The following MAU2 variants were observed in gnomAD, a reference collection of about 807,000 sequenced individuals.
MAU2 encodes the protein MAU2 chromatid cohesion factor homolog.
A neutral mutation model predicts 89.1 loss-of-function variants in MAU2; 9 were observed. The ratio of observed to expected loss-of-function variants is 0.10; its 90% confidence interval spans 0.06 to 0.18. The LOEUF (loss-of-function observed/expected upper bound fraction) is 0.18. MAU2 is among the 10% of genes least tolerant of loss of function. The pLI is 1.00. For synonymous variants in MAU2, 357 were observed against 343.4 expected (o/e 1.04, Z -0.44); for missense variants, 425 against 803.5 (o/e 0.53, Z 5.69).
intron 12 of MAU2, among the ~76,000 whole-genome samples, chr19:19,346,265 G>C (rs148008876): frequency 1.8e-4 from 27 of 152,210 alleles, no homozygotes; most frequent in Non-Finnish European, 3.5e-4. Context: ...GGCTCACTCT[G>C]ACTGCAGCAG....
rs1220798837 is a variant in MAU2, at chr19:19,340,847, G to T, written c.553G>T (p.Ala185Ser). The T allele has an allele frequency of 6.2e-7, 1 of 1,613,354 alleles. No individual in the cohort carries two copies. Among genetic ancestry groups the T allele is most frequent in the African/African-American group, 1.3e-5 (1 of 74,860 alleles). ...TGACCCCTGCCTCTTGTTTTGCAGG[G>T]CGCTGTTCCTCCTCAGCAAGGGGAT... ...ARVVGSEYTRALFLLSKGMLL... is the reference protein window; with the variant it reads ...ARVVGSEYTRSLFLLSKGMLL... The change falls in exon 6 of 19, where the codon GCG (alanine) becomes TCG (serine). Residue 185 changes from alanine (A) to serine (S), a missense_variant and splice_region_variant. Coordinates refer to ENST00000262815, the MANE Select transcript of MAU2 (RefSeq NM_015329.4).
intron 1 of MAU2, chr19:19,334,232 C>G (rs1415227144): frequency 1.5e-5 from 15 of 985,374 alleles, no homozygotes; most frequent in Non-Finnish European, 1.8e-5. Context: ...GTGCTGGCCC[C>G]GCCACTCTGA....
At chr19:19,330,565 A>AC (rs1317918312) in intron 1 of MAU2, among the ~76,000 whole-genome samples, 3 of 151,928 alleles carry the variant, frequency 2.0e-5, no homozygotes, top group Non-Finnish European at 4.4e-5. Flanking sequence ...ACATAGAGAA[A>AC]CCCCGTCTCT....
chr19:19,337,353 C>T (rs2061605727), intron 4 of MAU2, 88 bp downstream of exon 4: 2 of 1,031,320 alleles, frequency 1.9e-6, no homozygotes, highest in Non-Finnish European at 1.5e-6. Context: ...ACAGCAGAGT[C>T]CACGATGCGC....
intron 1 of MAU2, among the ~76,000 whole-genome samples, chr19:19,335,262 C>T (rs1599901418): frequency 6.6e-6 from 1 of 152,186 alleles, no homozygotes; most frequent in Admixed American, 6.5e-5. Context: ...ACTAACCTTG[C>T]CCCCCAAGAC....
intron 13 of MAU2, 176 bp downstream of exon 13, chr19:19,347,542 G>C: frequency 1.7e-6 from 1 of 578,800 alleles, no homozygotes. Context: ...ATCGGGCTAT[G>C]GCCGGGGGAG....
chr19:19,351,655 G>A (rs1420289376), intron 16 of MAU2, among the ~76,000 whole-genome samples: 1 of 151,682 alleles, frequency 6.6e-6, no homozygotes, highest in Non-Finnish European at 1.5e-5. Flanking sequence ...ACTCCAGCCT[G>A]GACAACACAG....
rs577451969 is a variant in MAU2 at position 19,355,400 on chromosome 19, G to A, written c.1767+9G>A. 3 of 1,613,718 alleles carry A rather than the reference G, an allele frequency of 1.9e-6. No individual in the cohort carries two copies. Among genetic ancestry groups the A allele is most frequent in the East Asian group, 2.2e-5 (1 of 44,888 alleles). ...AACACAACCTCATCACGGTACGGGTGTGGGTGTTAGGGGACGGGATCAGGA... is the reference window on the plus strand; with the variant it reads ...AACACAACCTCATCACGGTACGGGTATGGGTGTTAGGGGACGGGATCAGGA... On this transcript the variant is annotated intron_variant, in intron 18 of 18. Coordinates refer to ENST00000262815, the MANE Select transcript of MAU2 (RefSeq NM_015329.4).
intron 1 of MAU2, among the ~76,000 whole-genome samples, chr19:19,331,493 C>G (rs1433028494): frequency 1.7e-5 from 2 of 118,432 alleles, no homozygotes; most frequent in Non-Finnish European, 3.9e-5. Context: ...CAGAGTGCAA[C>G]TCCGTCTCAA....
Position 19,341,297 on chromosome 19 carries a change from A to G in MAU2, c.625A>G (p.Thr209Ala). 6.2e-7 allele frequency: 1 copy of G among 1,612,968 alleles called. No individual in the cohort carries two copies. Among genetic ancestry groups the G allele is most frequent in the Non-Finnish European group, 8.5e-7 (1 of 1,179,972 alleles). Residue 209 changes from threonine to alanine, a missense_variant, in exon 7 of 19, where the codon ACC becomes GCC. By Grantham distance (58) the Thr-to-Ala change is moderately conservative (BLOSUM62 0). Coordinates refer to ENST00000262815, the MANE Select transcript of MAU2 (RefSeq NM_015329.4). ...RKLQEVHPLLTLCGQIVENWQ... is the reference protein window; with the variant it reads ...RKLQEVHPLLALCGQIVENWQ... ...GCTGCAGGAGGTGCACCCGCTGCTG[A>G]CCCTCTGCGGGCAGATCGTGGAGAA...
intron 9 of MAU2, 56 bp from the exon 10 acceptor site, chr19:19,343,781 G>A (rs921877537): frequency 3.0e-5 from 41 of 1,344,958 alleles, no homozygotes; most frequent in Non-Finnish European, 4.3e-6. Flanking sequence ...CGGTGGGCTG[G>A]GGGTGGCGCC....
At chr19:19,329,066 C>T in intron 1 of MAU2, 1 of 456,050 alleles carries the variant, frequency 2.2e-6, no homozygotes, top group Non-Finnish European at 4.4e-6. Flanking sequence ...GCCTGAGCAT[C>T]TATGGTTCAC....
intron 16 of MAU2, among the ~76,000 whole-genome samples, chr19:19,349,939 C>T (rs1485797425): frequency 1.3e-5 from 2 of 151,458 alleles, no homozygotes; most frequent in Non-Finnish European, 2.9e-5. Flanking sequence ...GTCAATTCCT[C>T]GCCTACTCTC....
At chr19:19,346,177 A>T (rs1255607369) in intron 12 of MAU2, among the ~76,000 whole-genome samples, 1 of 152,086 alleles carries the variant, frequency 6.6e-6, no homozygotes, top group Admixed American at 6.5e-5. Context: ...GAGCCCTGAC[A>T]TGCAGACAGC....
At chr19:19,323,884 A>T (rs907982167) in intron 1 of MAU2, among the ~76,000 whole-genome samples, 13 of 152,186 alleles carry the variant, frequency 8.5e-5, no homozygotes, top group African/African-American at 3.1e-4. Flanking sequence ...GCTGCACAAC[A>T]AGTTATTGAC....
intron 2 of MAU2, 29 bp from the exon 3 acceptor site, chr19:19,336,093 T>A (rs768615859): frequency 3.8e-6 from 6 of 1,577,048 alleles, no homozygotes; most frequent in Non-Finnish European, 5.2e-6. Context: ...TTTCGCAGTG[T>A]CTGTACTTCC....
intron 5 of MAU2, among the ~76,000 whole-genome samples, 182 bp from the exon 6 acceptor site, chr19:19,340,664 T>C (rs1050737778): frequency 1.3e-5 from 2 of 151,942 alleles, no homozygotes; most frequent in Admixed American, 6.6e-5. Context: ...TAAATAAAAA[T>C]AAAAATAAAC....
intron 1 of MAU2, among the ~76,000 whole-genome samples, chr19:19,330,368 T>G (rs1304782827): frequency 2.0e-5 from 3 of 148,872 alleles, no homozygotes; most frequent in Admixed American, 2.0e-4. Flanking sequence ...GCTGAGGTGG[T>G]AGTATCTCCT....
At chr19:19,337,124 GTT>G in intron 3 of MAU2, 44 bp from the exon 4 acceptor site, 11 of 1,161,120 alleles carry the variant, frequency 9.5e-6, no homozygotes, top group South Asian at 2.8e-5. Context: ...TTGCCGCCTT[GTT>G]TTTTTTTTTT....
Sources: allele counts gnomAD v4.1 joint callset (sites outside exome capture counted in the v4.1 genomes callset), GRCh38; gene constraint gnomAD v4.1.1; transcripts MANE v1.5; gene names NCBI Gene and HGNC (gene_info 2026-07-23, HGNC 2026-07-21).